Variants in MAP2K4 observed in about 807,000 individuals in gnomAD.
MAP2K4 encodes the protein mitogen-activated protein kinase kinase 4.
Under a neutral mutation model 48.5 loss-of-function variants are expected in MAP2K4, and 4 were observed. That is an observed-to-expected ratio of 0.08 (90% confidence interval 0.04 to 0.19). MAP2K4 has a LOEUF of 0.19. Ranked by LOEUF, MAP2K4 falls within the 10% of genes least tolerant of loss-of-function variation. MAP2K4 has a pLI of 1.00. For synonymous variants in MAP2K4, 166 were observed against 173.1 expected (o/e 0.96, Z 0.32); for missense variants, 258 against 493.3 (o/e 0.52, Z 4.52).
At chr17:12,042,964 G>A (rs924394192) in intron 1 of MAP2K4, among the ~76,000 whole-genome samples, 3 of 151,126 alleles carry the variant, frequency 2.0e-5, no homozygotes, top group African/African-American at 7.3e-5. Context: ...GGAGAATGGC[G>A]TGAACCCAGG....
chr17:12,029,107 G>A (rs1368027485), intron 1 of MAP2K4, among the ~76,000 whole-genome samples: 1 of 151,974 alleles, frequency 6.6e-6, no homozygotes, highest in Non-Finnish European at 1.5e-5. Context: ...ACTGTATTTG[G>A]TAAGAACAGT....
chr17:12,102,379 A>G (rs1273573301), intron 4 of MAP2K4, among the ~76,000 whole-genome samples: 1 of 152,124 alleles, frequency 6.6e-6, no homozygotes, highest in Non-Finnish European at 1.5e-5. Context: ...AGGATGTTTT[A>G]TCTTTTTTAT....
At chr17:12,139,905 A>G (rs1319618836) in intron 10 of MAP2K4, 21 bp downstream of exon 10, 2 of 1,565,850 alleles carry the variant, frequency 1.3e-6, no homozygotes, top group Non-Finnish European at 1.7e-6. Flanking sequence ...GACTGTGGGG[A>G]TTGTAGGTAC....
intron 2 of MAP2K4, among the ~76,000 whole-genome samples, chr17:12,068,195 CAGTT>C (rs1387059914): frequency 4.6e-5 from 7 of 152,002 alleles, no homozygotes; most frequent in Admixed American, 6.6e-5. Context: ...GGTGTAGAGA[CAGTT>C]AGGTATGGAG....
chr17:12,122,298 G>A (rs1022179412), intron 7 of MAP2K4, among the ~76,000 whole-genome samples: 4 of 151,964 alleles, frequency 2.6e-5, no homozygotes, highest in African/African-American at 9.7e-5. Context: ...ACCCTCCCTC[G>A]TCCCCCTGCT....
Position 12,142,668 on chromosome 17 carries a change from A to G in MAP2K4, c.*1408A>G, listed in dbSNP as rs546021188. On this transcript the variant is annotated 3_prime_UTR_variant, in exon 11 of 11. Coordinates refer to ENST00000353533, the MANE Select transcript of MAP2K4 (RefSeq NM_003010.4). ...TCGTAGTCCATCACCATTTCTTGGCATTGGAATTCTACTGGAAAAAAATAC... is the reference window on the plus strand; with the variant it reads ...TCGTAGTCCATCACCATTTCTTGGCGTTGGAATTCTACTGGAAAAAAATAC... 14 of 233,148 alleles carry G rather than the reference A, an allele frequency of 6.0e-5. No individual in the cohort carries two copies. In the East Asian group the frequency reaches 7.8e-4, roughly 13 times the overall value. 14.4% of individuals were successfully genotyped at this position (233,148 alleles called of 1,614,324 possible).
At chr17:12,119,174 G>T (rs1972595420) in intron 7 of MAP2K4, among the ~76,000 whole-genome samples, 1 of 152,144 alleles carries the variant, frequency 6.6e-6, no homozygotes, top group Non-Finnish European at 1.5e-5. Context: ...TGCACATTCT[G>T]CATATCAAAA....
intron 1 of MAP2K4, among the ~76,000 whole-genome samples, chr17:12,035,184 G>T (rs1969554527): frequency 6.6e-6 from 1 of 152,222 alleles, no homozygotes; most frequent in Non-Finnish European, 1.5e-5. Context: ...CTGGAATATA[G>T]ACATTAACTT....
intron 9 of MAP2K4, among the ~76,000 whole-genome samples, chr17:12,131,546 G>C (rs567185692): frequency 6.6e-6 from 1 of 151,760 alleles, no homozygotes; most frequent in Non-Finnish European, 1.5e-5. Flanking sequence ...CCCCCGGCCC[G>C]CTCTAGCCAC....
intron 7 of MAP2K4, among the ~76,000 whole-genome samples, chr17:12,119,652 A>G (rs1380916800): frequency 6.6e-6 from 1 of 152,256 alleles, no homozygotes; most frequent in Non-Finnish European, 1.5e-5. Context: ...GTATATACCA[A>G]AAGGAATAGA....
At chr17:12,054,330 T>TA in intron 1 of MAP2K4, among the ~76,000 whole-genome samples, 1 of 152,236 alleles carries the variant, frequency 6.6e-6, no homozygotes, top group Non-Finnish European at 1.5e-5. Context: ...ACTTGGGTAA[T>TA]AAAAAACATT....
At chr17:12,098,251 G>A (rs1303574954) in intron 4 of MAP2K4, among the ~76,000 whole-genome samples, 1 of 152,066 alleles carries the variant, frequency 6.6e-6, no homozygotes, top group Non-Finnish European at 1.5e-5. Flanking sequence ...AGGCCGAGGT[G>A]GGCGGATCAC....
intron 2 of MAP2K4, among the ~76,000 whole-genome samples, chr17:12,065,258 A>ATACTAT (rs1970575221): frequency 2.2e-5 from 3 of 136,222 alleles, no homozygotes. Context: ...ATATATACAT[A>ATACTAT]TATTATTATT....
In MAP2K4 at chr17:12,141,345, A is replaced by C. The variant is rs1471455387; in HGVS notation, c.*85A>C. 4.3e-6 allele frequency: 4 copies of C among 940,362 alleles called. No individual in the cohort carries two copies. In the African/African-American group the frequency reaches 6.5e-5, roughly 15 times the overall value. 58.3% of individuals were successfully genotyped at this position (940,362 alleles called of 1,614,324 possible). On this transcript the variant is annotated 3_prime_UTR_variant, in exon 11 of 11. Transcript: ENST00000353533. ...TTTCATCCCGTATCACAGTGTTTTTATTGCTCGCCCAGACACCATGTGCAA... is the reference window on the plus strand; with the variant it reads ...TTTCATCCCGTATCACAGTGTTTTTCTTGCTCGCCCAGACACCATGTGCAA...
chr17:12,119,658 A>T (rs191488442), intron 7 of MAP2K4, among the ~76,000 whole-genome samples: 1 of 152,244 alleles, frequency 6.6e-6, no homozygotes, highest in Non-Finnish European at 1.5e-5. Flanking sequence ...ACCAAAAGGA[A>T]TAGAAGTCAT....
intron 6 of MAP2K4, among the ~76,000 whole-genome samples, chr17:12,111,084 G>A (rs963607536): frequency 5.9e-5 from 9 of 152,146 alleles, no homozygotes; most frequent in African/African-American, 2.2e-4. Flanking sequence ...ATGAGGTGCT[G>A]GCTTTGAGGA....
intron 2 of MAP2K4, among the ~76,000 whole-genome samples, chr17:12,079,897 T>C (rs1187124092): frequency 6.6e-6 from 1 of 152,204 alleles, no homozygotes; most frequent in Non-Finnish European, 1.5e-5. Context: ...AATGGTCACT[T>C]ATGCCACTGA....
At position 12,138,200 on chromosome 17, in the gene MAP2K4, T is replaced by C. The variant is rs28922570; in HGVS notation, c.1041-1639T>C. 6.2e-3 allele frequency among the ~76,000 whole-genome samples: 945 copies of C among 152,238 alleles called. 2 individuals carry two copies. The highest frequency in any genetic ancestry group is 0.036 in the East Asian group (186 of 5,160). On this transcript the variant is annotated intron_variant, in intron 9 of 10. Coordinates refer to ENST00000353533, the MANE Select transcript of MAP2K4 (RefSeq NM_003010.4). The stretch of plus-strand genomic sequence containing the variant: ...ATGGGAAGACTGAGCACTTACAATT[T>C]ATAGACTGCTTTGATCCTTGAATGG...
intron 7 of MAP2K4, among the ~76,000 whole-genome samples, chr17:12,121,157 T>G (rs1972675427): frequency 1.3e-5 from 2 of 152,204 alleles, no homozygotes; most frequent in Admixed American, 1.3e-4. Context: ...AAACTTTGTT[T>G]CATGCACAAA....
Sources: allele counts gnomAD v4.1 joint callset (sites outside exome capture counted in the v4.1 genomes callset), GRCh38; gene constraint gnomAD v4.1.1; transcripts MANE v1.5; gene names NCBI Gene and HGNC (gene_info 2026-07-23, HGNC 2026-07-21).